Variants in LRRTM4 observed in about 807,000 individuals in gnomAD.
LRRTM4 encodes the protein leucine-rich repeat transmembrane neuronal protein 4.
Under a neutral mutation model 47.6 loss-of-function variants are expected in LRRTM4, and 25 were observed. That is an observed-to-expected ratio of 0.53 (90% CI 0.38 to 0.73). The LOEUF (loss-of-function observed/expected upper bound fraction) is 0.73, where lower values mean the gene tolerates loss of function less well. LRRTM4 is among the 30% of genes least tolerant of loss of function. LRRTM4 has a pLI of 0.00. For missense variants in LRRTM4, 638 were observed against 713.4 expected (o/e 0.89, Z 1.20); for synonymous variants, 311 against 269.5 (o/e 1.15, Z -1.51).
At chr2:77,074,350 A>G (rs1318176875) in intron 3 of LRRTM4, among the ~76,000 whole-genome samples, 4 of 152,000 alleles carry the variant, frequency 2.6e-5, no homozygotes, top group Admixed American at 2.6e-4. Flanking sequence ...TCAAATTTGG[A>G]GCTTGGAAGT....
At chr2:77,051,028 T>TAAAAA (rs369292203) in intron 3 of LRRTM4, among the ~76,000 whole-genome samples, 117 of 151,436 alleles carry the variant, frequency 7.7e-4, no homozygotes, top group African/African-American at 2.5e-3. Context: ...TTTTTTTTTT[T>TAAAAA]AAAATAGATA....
At chr2:77,453,425 C>T (rs145936843) in intron 3 of LRRTM4, among the ~76,000 whole-genome samples, 84 of 152,152 alleles carry the variant, frequency 5.5e-4, no homozygotes, top group African/African-American at 1.9e-3. Context: ...TGTGATCCTC[C>T]CGCCTCAGCC....
Position 77,088,487 on chromosome 2 carries a change from T to C in LRRTM4, c.1552-339571A>G, listed in dbSNP as rs1026514225. Among the ~76,000 whole-genome samples, 26 of 152,248 alleles carry C rather than the reference T, an allele frequency of 1.7e-4. No individual in the cohort carries two copies. The South Asian group carries it at 2.5e-3, about 15-fold the overall frequency. On this transcript the variant is annotated intron_variant, in intron 3 of 3. Coordinates refer to ENST00000409884, the MANE Select transcript of LRRTM4 (RefSeq NM_001134745.3). Reference sequence around the variant, plus strand: ...GCACCTTGCGACCCCCACTCCTGCCTGCCAGAGAACAAACCCCCTTTGACT... The same window carrying C: ...GCACCTTGCGACCCCCACTCCTGCCCGCCAGAGAACAAACCCCCTTTGACT...
intron 3 of LRRTM4, among the ~76,000 whole-genome samples, chr2:76,820,676 T>C (rs1671028204): frequency 6.6e-6 from 1 of 151,740 alleles, no homozygotes; most frequent in South Asian, 2.1e-4. Context: ...ACATCATCAA[T>C]GATCATAAAA....
chr2:77,497,185 A>AT lies in LRRTM4; in HGVS notation c.1551+21132dup, dbSNP rs1456805995. Among the ~76,000 whole-genome samples, 7 of 151,384 alleles carry AT rather than the reference A, an allele frequency of 4.6e-5. No homozygotes were observed. In the East Asian group the frequency reaches 9.7e-4, roughly 21 times the overall value. ...ATATTGGTAATTTGTATGTTTGCTCATTTTTTTGCCAATCAATCTGACTGG... is the reference window on the plus strand; with the variant it reads ...ATATTGGTAATTTGTATGTTTGCTCATTTTTTTTGCCAATCAATCTGACTGG... On this transcript the variant is annotated intron_variant, in intron 3 of 3. Transcript: ENST00000409884.
intron 3 of LRRTM4, among the ~76,000 whole-genome samples, chr2:77,287,692 TTAG>T (rs568788852): frequency 7.1e-4 from 108 of 152,266 alleles, no homozygotes; most frequent in Middle Eastern, 6.8e-3. Context: ...TGTTAGTAAC[TTAG>T]TAGTTGAGAG....
intron 3 of LRRTM4, among the ~76,000 whole-genome samples, chr2:77,461,843 G>A (rs552728034): frequency 4.3e-4 from 65 of 152,088 alleles, no homozygotes; most frequent in Non-Finnish European, 5.9e-5. Flanking sequence ...TGTCTCAAAA[G>A]GCTGACTGAA....
intron 3 of LRRTM4, among the ~76,000 whole-genome samples, chr2:77,501,669 A>G (rs1043524828): frequency 4.0e-5 from 6 of 151,160 alleles, no homozygotes; most frequent in East Asian, 3.9e-4. Context: ...TAATCATACA[A>G]TCAAATCCTA....
intron 3 of LRRTM4, among the ~76,000 whole-genome samples, chr2:76,871,394 G>C (rs1346614755): frequency 6.6e-6 from 1 of 152,114 alleles, no homozygotes; most frequent in Non-Finnish European, 1.5e-5. Flanking sequence ...CTAAAGTATA[G>C]ACCACAGCCT....
chr2:77,387,930 A>G (rs1673348844), intron 3 of LRRTM4, among the ~76,000 whole-genome samples: 2 of 152,114 alleles, frequency 1.3e-5, no homozygotes, highest in African/African-American at 4.8e-5. Flanking sequence ...AAAAAAATTG[A>G]TCAGGATATT....
chr2:77,218,490 C>T (rs1467079727), intron 3 of LRRTM4, among the ~76,000 whole-genome samples: 3 of 150,158 alleles, frequency 2.0e-5, no homozygotes, highest in East Asian at 3.9e-4. Context: ...TATACTTCCA[C>T]TCCATGTTCT....
intron 3 of LRRTM4, among the ~76,000 whole-genome samples, chr2:76,994,065 G>A (rs771529042): frequency 4.0e-5 from 6 of 151,634 alleles, no homozygotes; most frequent in East Asian, 1.9e-4. Context: ...TTGGGTACTC[G>A]TGGACATACC....
At chr2:77,182,506 C>T (rs1355786107) in intron 3 of LRRTM4, among the ~76,000 whole-genome samples, 1 of 152,022 alleles carries the variant, frequency 6.6e-6, no homozygotes, top group Non-Finnish European at 1.5e-5. Flanking sequence ...ACCTCTGTAA[C>T]AAACCTGCAC....
At chr2:76,855,092 G>C (rs181777041) in intron 3 of LRRTM4, among the ~76,000 whole-genome samples, 8 of 152,114 alleles carry the variant, frequency 5.3e-5, no homozygotes, top group Non-Finnish European at 8.8e-5. Context: ...GGATATCTGC[G>C]AGCGGAGCAT....
intron 3 of LRRTM4, among the ~76,000 whole-genome samples, chr2:76,904,889 G>A (rs1023969604): frequency 8.5e-5 from 13 of 152,174 alleles, no homozygotes; most frequent in Non-Finnish European, 1.3e-4. Context: ...CTTGGGGGAG[G>A]AGCCAAGATG....
intron 3 of LRRTM4, among the ~76,000 whole-genome samples, chr2:77,161,067 C>T (rs1001181162): frequency 3.9e-5 from 6 of 152,084 alleles, no homozygotes; most frequent in South Asian, 2.1e-4. Flanking sequence ...ACCAACAGGG[C>T]GCCAGGCAGC....
intron 3 of LRRTM4, among the ~76,000 whole-genome samples, chr2:76,827,741 T>C (rs762221317): frequency 5.3e-5 from 8 of 151,846 alleles, no homozygotes; most frequent in Admixed American, 4.0e-4. Context: ...TTGCTTTAGT[T>C]TGAGGCAATG....
chr2:77,433,212 G>C (rs1290138508), intron 3 of LRRTM4, among the ~76,000 whole-genome samples: 2 of 152,284 alleles, frequency 1.3e-5, no homozygotes, highest in Middle Eastern at 3.4e-3. Context: ...AGATAAAAAT[G>C]TTCAATTGTT....
chr2:77,036,880 A>T (rs1678855826), intron 3 of LRRTM4, among the ~76,000 whole-genome samples: 1 of 151,760 alleles, frequency 6.6e-6, no homozygotes, highest in Non-Finnish European at 1.5e-5. Flanking sequence ...CTGCTGATCA[A>T]GAAAGACATA....
Sources: allele counts gnomAD v4.1 joint callset (sites outside exome capture counted in the v4.1 genomes callset), GRCh38; gene constraint gnomAD v4.1.1; transcripts MANE v1.5; gene names NCBI Gene and HGNC (gene_info 2026-07-23, HGNC 2026-07-21).